PTPN21: variants seen among roughly 807,000 people sequenced by gnomAD.
The protein encoded by PTPN21 is protein tyrosine phosphatase non-receptor type 21.
PTPN21 carries 77 observed loss-of-function variants against 131.8 expected under a neutral mutation model. That is an observed-to-expected ratio of 0.58 (90% CI 0.49 to 0.71). PTPN21 has a LOEUF of 0.71. Among genes scored for constraint, PTPN21 ranks in the 30% least tolerant of loss-of-function variants. The pLI, the probability that PTPN21 is intolerant of heterozygous loss-of-function variation, is 0.00. For missense variants in PTPN21, 1,552 were observed against 1,527.1 expected (o/e 1.02, Z -0.27); for synonymous variants, 715 against 621.3 (o/e 1.15, Z -2.24).
intron 1 of PTPN21, among the ~76,000 whole-genome samples, chr14:88,553,795 T>C (rs1348870423): frequency 1.3e-5 from 2 of 152,104 alleles, no homozygotes; most frequent in African/African-American, 4.8e-5. Flanking sequence ...TCTTACAGCG[T>C]TTCCCCTTTC....
In PTPN21 at chr14:88,496,502, A is replaced by G; in HGVS notation, c.853-10T>C. 1.2e-6 allele frequency: 2 copies of G among 1,602,418 alleles called. No individual in the cohort carries two copies. Among genetic ancestry groups the G allele is most frequent in the Non-Finnish European group, 1.7e-6 (2 of 1,169,564 alleles). ...CTGTTTCCATGTCTTCCTAGCAAAC[A>G]AAATAGGCATAAAGCAATATGAAAG... On this transcript the variant is annotated splice_polypyrimidine_tract_variant and intron_variant, in intron 9 of 18. Transcript: ENST00000556564.
At chr14:88,503,715 G>C (rs980184302) in intron 6 of PTPN21, among the ~76,000 whole-genome samples, 1 of 149,162 alleles carries the variant, frequency 6.7e-6, no homozygotes, top group Non-Finnish European at 1.5e-5. Context: ...CAGCAGGACT[G>C]GTGTATTAAA....
Position 88,479,239 on chromosome 14 carries a change from C to T in PTPN21, c.2192G>A (p.Arg731His), listed in dbSNP as rs918319665. The T allele has an allele frequency of 1.9e-6, 3 of 1,608,982 alleles. No individual in the cohort carries two copies. Among genetic ancestry groups the T allele is most frequent in the African/African-American group, 2.7e-5 (2 of 74,754 alleles). Residue 731 changes from arginine to histidine, a missense_variant, in exon 13 of 19, where the codon CGT becomes CAT. Around this residue, in one of 4 missense-constraint regions of PTPN21, gnomAD observed 1,016 missense variants for 883.5 expected, o/e 1.15. Transcript: ENST00000556564. ...CAGGCCGGGCCGAGGCTCGCGCGCA[C>T]GTGCAGGAGGCGCCCGGGCCCCGCT... ...EESGARAPPA[R>H]AREPRPGLAQ...
chr14:88,489,163 G>A (rs1239830093), intron 10 of PTPN21, among the ~76,000 whole-genome samples: 2 of 152,140 alleles, frequency 1.3e-5, no homozygotes, highest in African/African-American at 2.4e-5. Context: ...GGTATCCCTG[G>A]TGCCTTTGCT....
chr14:88,508,277 G>A (rs79538669), intron 3 of PTPN21, among the ~76,000 whole-genome samples: 7 of 151,814 alleles, frequency 4.6e-5, no homozygotes, highest in Admixed American at 1.3e-4. Context: ...AGCCTCCTGA[G>A]TAGCTGGGAC....
In PTPN21 at chr14:88,497,203, A is replaced by G; in HGVS notation, c.852T>C (p.Thr284=). 1 of 1,595,936 alleles carries G rather than the reference A, an allele frequency of 6.3e-7. No individual in the cohort carries two copies. ...ANKEETIQFQ[T]EDMETAKYIW... ...ATGCAGACCCCTAATGTTTACTCAC[A>G]GTTTGAAATTGAATGGTCTCCTCTT... Residue 284 remains threonine, a splice_region_variant and synonymous_variant, in exon 9 of 19, where the codon ACT becomes ACC. Transcript: ENST00000556564.
At chr14:88,495,137 G>C (rs1205575609) in intron 10 of PTPN21, among the ~76,000 whole-genome samples, 1 of 151,294 alleles carries the variant, frequency 6.6e-6, no homozygotes, top group Non-Finnish European at 1.5e-5. Flanking sequence ...ACAGAAACAG[G>C]AAAGTCAGAA....
chr14:88,484,474 G>T (rs1446231996), intron 12 of PTPN21, among the ~76,000 whole-genome samples: 1 of 149,812 alleles, frequency 6.7e-6, no homozygotes, highest in East Asian at 2.0e-4. Flanking sequence ...AAAGCCTCTG[G>T]CAGGGAAAGA....
At chr14:88,468,306 T>G in intron 18 of PTPN21, 41 bp from the exon 19 acceptor site, 1 of 1,542,798 alleles carries the variant, frequency 6.5e-7, no homozygotes, top group Non-Finnish European at 8.8e-7. Context: ...TGTGTTCCCC[T>G]GGGGAGACAG....
intron 4 of PTPN21, among the ~76,000 whole-genome samples, chr14:88,507,639 G>A (rs1189251721): frequency 6.6e-6 from 1 of 152,110 alleles, no homozygotes; most frequent in East Asian, 1.9e-4. Context: ...GCATATGATT[G>A]TACATATGTG....
chr14:88,477,454 A>C (rs1475805299), intron 13 of PTPN21, among the ~76,000 whole-genome samples: 5 of 140,064 alleles, frequency 3.6e-5, no homozygotes, highest in East Asian at 3.9e-4. Context: ...TCTAAAAAAA[A>C]AAAAAAAAAA....
chr14:88,479,939 C>T lies in PTPN21; in HGVS notation c.1492G>A (p.Glu498Lys). 6.2e-7 allele frequency: 1 copy of T among 1,606,216 alleles called. No homozygotes were observed. Residue 498 changes from glutamate (E) to lysine (K), a missense_variant, in exon 13 of 19, where the codon GAG becomes AAG. Transcript: ENST00000556564. ...GCTGGCGAGGGGAGCTGTGCGTGCT[C>T]GCGGATCTCGGGCTGGCTGTAGACC... is the stretch of plus-strand genomic sequence containing the variant. ...ALVYSQPEIR[E>K]HAQLPSPAAA...
intron 13 of PTPN21, among the ~76,000 whole-genome samples, chr14:88,475,953 C>T (rs1029539286): frequency 1.3e-5 from 2 of 152,130 alleles, no homozygotes; most frequent in African/African-American, 2.4e-5. Flanking sequence ...AGAATATAAG[C>T]ACAGGATTTT....
intron 2 of PTPN21, among the ~76,000 whole-genome samples, chr14:88,529,317 C>A (rs2078522145): frequency 1.3e-5 from 2 of 152,216 alleles, no homozygotes; most frequent in South Asian, 2.1e-4. Flanking sequence ...TGGTATGAAA[C>A]CTACTTGATC....
In PTPN21 at chr14:88,550,311, T is replaced by G. The variant is rs1595426050; in HGVS notation, c.107A>C (p.Glu36Ala). The G allele has an allele frequency of 6.2e-7, 1 of 1,614,150 alleles. No homozygotes were observed. ...RIQLLNNEFVEFTLSVESTGQ... is the reference protein window; with the variant it reads ...RIQLLNNEFVAFTLSVESTGQ... ...AGTGCTCTCCACGGACAGGGTGAACTCCACAAACTCGTTATTAAGCAGTTG... is the reference window on the plus strand; with the variant it reads ...AGTGCTCTCCACGGACAGGGTGAACGCCACAAACTCGTTATTAAGCAGTTG... Residue 36 changes from glutamate (E) to alanine (A), a missense_variant, in exon 2 of 19, where the codon GAG (glutamate) becomes GCG (alanine). Glu to Ala is a moderately radical substitution (Grantham distance 107, BLOSUM62 -1). Around this residue, in one of 4 missense-constraint regions of PTPN21, gnomAD observed 206 missense variants for 221.6 expected, o/e 0.93. Transcript: ENST00000556564.
At chr14:88,535,927 G>T (rs1371786921) in intron 2 of PTPN21, among the ~76,000 whole-genome samples, 1 of 152,212 alleles carries the variant, frequency 6.6e-6, no homozygotes, top group Non-Finnish European at 1.5e-5. Context: ...AATTGTAACA[G>T]AAGTTTTCCA....
chr14:88,469,775 A>G lies in PTPN21; in HGVS notation c.3001-42T>C, dbSNP rs368987843. 80 of 1,606,328 alleles carry G rather than the reference A, an allele frequency of 5.0e-5. No individual in the cohort carries two copies. In the African/African-American group the frequency reaches 8.7e-4, roughly 17 times the overall value. On this transcript the variant is annotated intron_variant, in intron 16 of 18. Transcript: ENST00000556564. The surrounding 1 kb of genome is among the most constrained non-coding windows in gnomAD (Gnocchi z 4.3). ...TGGTTAAATGACTCGAGATCCGGCA[A>G]TGGATGCCTTTCTCACATAGACGGC...
intron 2 of PTPN21, among the ~76,000 whole-genome samples, chr14:88,541,436 T>C (rs2078704047): frequency 6.6e-6 from 1 of 152,170 alleles, no homozygotes; most frequent in African/African-American, 2.4e-5. Flanking sequence ...TCACATAAAG[T>C]GTGTATCTGA....
intron 7 of PTPN21, 86 bp from the exon 8 acceptor site, chr14:88,500,957 T>C: frequency 2.1e-6 from 2 of 961,164 alleles, no homozygotes; most frequent in South Asian, 1.4e-5. Flanking sequence ...GTTTCCCAGA[T>C]GTAGAAAGTT....
Sources: allele counts gnomAD v4.1 joint callset (sites outside exome capture counted in the v4.1 genomes callset), GRCh38; gene constraint gnomAD v4.1.1; regional missense constraint gnomAD v4.1.1; non-coding constraint Gnocchi (gnomAD v3.1); transcripts MANE v1.5; gene names NCBI Gene and HGNC (gene_info 2026-07-23, HGNC 2026-07-21).